The following QSOX2 variants were observed in gnomAD, a reference collection of about 807,000 sequenced individuals.
The protein encoded by QSOX2 is quiescin sulfhydryl oxidase 2.
QSOX2 carries 46 observed loss-of-function variants against 61.7 expected under a neutral mutation model. The observed-to-expected ratio is 0.75, with a 90% CI of 0.59 to 0.95. QSOX2 has a LOEUF of 0.95. Ranked by LOEUF, QSOX2 falls within the 40% of genes least tolerant of loss-of-function variation. The pLI is 0.00. For synonymous variants in QSOX2, 383 were observed against 388.4 expected (o/e 0.99, Z 0.16); for missense variants, 879 against 918.9 (o/e 0.96, Z 0.56).
In QSOX2 at chr9:136,208,072, G is replaced by A. The variant is rs529180974; in HGVS notation, c.*656C>T. 3.9e-5 allele frequency: 6 copies of A among 152,012 alleles called. No homozygotes were observed. The highest frequency in any genetic ancestry group is 8.8e-5 in the Non-Finnish European group (6 of 68,048). 9.4% of individuals were successfully genotyped at this position (152,012 alleles called of 1,614,324 possible). A position where few individuals can be genotyped will look rare whatever the true frequency, so the allele number is the denominator to read the frequency against. The stretch of plus-strand genomic sequence containing the variant: ...GCTCCTCCCCTGTTGAAATCCCCAC[G>A]TCTGGTGTCGAACACCCGGAGGAAC... On this transcript the variant is annotated 3_prime_UTR_variant, in exon 12 of 12. Coordinates refer to ENST00000358701, the MANE Select transcript of QSOX2 (RefSeq NM_181701.4).
rs1160730914 is a variant in QSOX2 at position 136,224,013 on chromosome 9, G to A, written c.578C>T (p.Pro193Leu). 1 of 1,613,340 alleles carries A rather than the reference G, an allele frequency of 6.2e-7. No individual in the cohort carries two copies. Among genetic ancestry groups the A allele is most frequent in the South Asian group, 1.1e-5 (1 of 91,026 alleles). ...SRPPACPRLD[P>L]IQPSDVLSLL... ...TCTTCATGGAGCTACTCACTGAATG[G>A]GGTCTAGGCGCGGGCAGGCAGGGGG... is the stretch of plus-strand genomic sequence containing the variant. The change falls in exon 4 of 12, where the codon CCC (proline) becomes CTC (leucine). Residue 193 changes from proline to leucine, a missense_variant. Physicochemically the swap from Pro to Leu is moderately conservative, Grantham distance 98. Transcript: ENST00000358701.
intron 1 of QSOX2, among the ~76,000 whole-genome samples, chr9:136,242,403 G>C (rs958429991): frequency 6.6e-6 from 1 of 152,280 alleles, no homozygotes; most frequent in African/African-American, 2.4e-5. Flanking sequence ...AGGGGGACCA[G>C]TGGGAGAAGG....
chr9:136,210,585 G>C (rs1831832599), intron 11 of QSOX2: 1 of 985,434 alleles, frequency 1.0e-6, no homozygotes, highest in Non-Finnish European at 1.2e-6. Context: ...CAGCGCCTTC[G>C]TCACATGACC....
At chr9:136,237,753 G>A (rs1830402177) in intron 1 of QSOX2, among the ~76,000 whole-genome samples, 1 of 152,006 alleles carries the variant, frequency 6.6e-6, no homozygotes, top group Non-Finnish European at 1.5e-5. Context: ...TGCCACACCT[G>A]GAGCCCATCC....
At chr9:136,227,400 C>T (rs1002879328) in intron 1 of QSOX2, among the ~76,000 whole-genome samples, 2 of 152,088 alleles carry the variant, frequency 1.3e-5, no homozygotes, top group Admixed American at 6.6e-5. Context: ...AGACACTGCC[C>T]GCAAACCCTG....
At chr9:136,232,917 C>CAAAAAAAAAAAAAAAAAAAA (rs60814748) in intron 1 of QSOX2, among the ~76,000 whole-genome samples, 2 of 45,504 alleles carry the variant, frequency 4.4e-5, no homozygotes, top group African/African-American at 7.3e-5. Context: ...GAACCTGTCT[C>CAAAAAAAAAAAAAAAAAAAA]AAAAAAAAAA....
Position 136,245,581 on chromosome 9 carries a change from T to A in QSOX2, c.223A>T (p.Thr75Ser). ...VLDSGSVRGA[T>S]ANSSAAWLVQ... ...AGCCACGCGGCCGAGCTGTTGGCGG[T>A]GGCCCCGCGCACGCTGCCGCTGTCC... Residue 75 changes from threonine to serine, a missense_variant, in exon 1 of 12, where the codon ACC (threonine) becomes TCC (serine). Physicochemically the swap from Thr to Ser is moderately conservative, Grantham distance 58. Transcript: ENST00000358701. 1.3e-6 allele frequency: 2 copies of A among 1,577,120 alleles called. No homozygotes were observed. Among genetic ancestry groups the A allele is most frequent in the Non-Finnish European group, 1.7e-6 (2 of 1,171,066 alleles).
chr9:136,237,215 G>A (rs1412772922), intron 1 of QSOX2, among the ~76,000 whole-genome samples: 1 of 129,144 alleles, frequency 7.7e-6, no homozygotes, highest in African/African-American at 3.0e-5. Context: ...CTGGGCCGGC[G>A]TCACTTGGAG....
At position 136,222,283 on chromosome 9, in the gene QSOX2, G is replaced by A. The variant is rs988375376; in HGVS notation, c.676-342C>T. 2.0e-5 allele frequency among the ~76,000 whole-genome samples: 3 copies of A among 152,112 alleles called. No individual in the cohort carries two copies. Among genetic ancestry groups the A allele is most frequent in the Admixed American group, 6.5e-5 (1 of 15,270 alleles). On this transcript the variant is annotated intron_variant, in intron 5 of 11. Coordinates refer to ENST00000358701, the MANE Select transcript of QSOX2 (RefSeq NM_181701.4). The surrounding 1 kb of genome is among the most constrained non-coding windows in gnomAD (Gnocchi z 6.9). Reference sequence around the variant, plus strand: ...CCTGCACACAGCAGCCACACCCCACGGCCTCGCACTCCCGTCCCGCGTGTG... The same window carrying A: ...CCTGCACACAGCAGCCACACCCCACAGCCTCGCACTCCCGTCCCGCGTGTG...
At chr9:136,210,085 G>A in intron 11 of QSOX2, 1 of 985,464 alleles carries the variant, frequency 1.0e-6, no homozygotes, top group Non-Finnish European at 1.2e-6. Flanking sequence ...GCCAGTCACT[G>A]ACTGCGTGCT....
Position 136,223,750 on chromosome 9 carries a change from G to C in QSOX2, c.675+13C>G. On this transcript the variant is annotated intron_variant, in intron 5 of 11. Coordinates refer to ENST00000358701, the MANE Select transcript of QSOX2 (RefSeq NM_181701.4). This position sits in a 1 kb window ranked among gnomAD's most constrained non-coding sequence, Gnocchi z 4.4. Reference sequence around the variant, plus strand: ...ACCACGTGTGACACCTGGAGCCCACGCAGAGGCCGTACCTCCCGTCCAAGG... The same window carrying C: ...ACCACGTGTGACACCTGGAGCCCACCCAGAGGCCGTACCTCCCGTCCAAGG... The C allele has an allele frequency of 6.2e-7, 1 of 1,610,692 alleles. No homozygotes were observed. The highest frequency in any genetic ancestry group is 8.5e-7 in the Non-Finnish European group (1 of 1,177,488).
rs201972372 is a variant in QSOX2 at position 136,221,814 on chromosome 9, G to A, written c.803C>T (p.Ser268Leu). The A allele has an allele frequency of 1.4e-5, 23 of 1,607,578 alleles. No homozygotes were observed. Among genetic ancestry groups the A allele is most frequent in the East Asian group, 2.2e-5 (1 of 44,688 alleles). ...CACTCACACGTTAATCAATCCATGCGACCCATTTGGGTAGATCAGGTAACA... is the reference window on the plus strand; with the variant it reads ...CACTCACACGTTAATCAATCCATGCAACCCATTTGGGTAGATCAGGTAACA... ...PSCYLIYPNG[S>L]HGLINVVKPL... Residue 268 changes from serine (S) to leucine (L), a missense_variant, in exon 6 of 12, where the codon TCG (serine) becomes TTG (leucine). By Grantham distance (145) the Ser-to-Leu change is moderately radical. Coordinates refer to ENST00000358701, the MANE Select transcript of QSOX2 (RefSeq NM_181701.4). This position sits in a 1 kb window ranked among gnomAD's most constrained non-coding sequence, Gnocchi z 4.5.
intron 10 of QSOX2, among the ~76,000 whole-genome samples, 193 bp from the exon 11 acceptor site, chr9:136,211,645 C>T (rs770779601): frequency 2.0e-5 from 3 of 152,212 alleles, no homozygotes; most frequent in Non-Finnish European, 4.4e-5. Flanking sequence ...CCCACGGGTG[C>T]TGCAGGCTCT....
At chr9:136,235,086 C>T (rs1484736035) in intron 1 of QSOX2, among the ~76,000 whole-genome samples, 1 of 152,278 alleles carries the variant, frequency 6.6e-6, no homozygotes, top group East Asian at 1.9e-4. Context: ...GGCAGCTTCA[C>T]ATCCAGCTCT....
intron 1 of QSOX2, among the ~76,000 whole-genome samples, chr9:136,232,579 C>T (rs959935884): frequency 5.9e-5 from 9 of 152,050 alleles, no homozygotes; most frequent in African/African-American, 2.2e-4. Context: ...CTCACACACG[C>T]AAAACTTACA....
At chr9:136,245,051 T>G (rs1013358005) in intron 1 of QSOX2, among the ~76,000 whole-genome samples, 9 of 151,998 alleles carry the variant, frequency 5.9e-5, no homozygotes, top group Non-Finnish European at 1.3e-4. Flanking sequence ...TTCTGGGCAC[T>G]GGGGATGGGG....
chr9:136,211,483 CAG>C (rs1831845209), intron 10 of QSOX2, 31 bp from the exon 11 acceptor site: 2 of 1,607,184 alleles, frequency 1.2e-6, no homozygotes, highest in African/African-American at 2.7e-5. Flanking sequence ...CTGACAACGG[CAG>C]GTGCGTGGGC....
In QSOX2 at chr9:136,207,330, AT is replaced by A. The variant is rs1460255879; in HGVS notation, c.*1397del. The stretch of plus-strand genomic sequence containing the variant: ...ACATAAAGTAGGCAAAGCGGAAAAA[AT>A]ATCTACAACCGTCAAAGTCTCTCTC... On this transcript the variant is annotated 3_prime_UTR_variant, in exon 12 of 12. Transcript: ENST00000358701. 2.6e-5 allele frequency: 4 copies of A among 151,758 alleles called. No homozygotes were observed. Among genetic ancestry groups the A allele is most frequent in the Non-Finnish European group, 5.9e-5 (4 of 68,026 alleles). The allele number at this position is 151,758 out of a possible 1,614,324, so 9.4% of individuals were successfully genotyped here.
At chr9:136,230,430 G>A (rs1830319847) in intron 1 of QSOX2, among the ~76,000 whole-genome samples, 4 of 152,220 alleles carry the variant, frequency 2.6e-5, no homozygotes, top group Admixed American at 6.5e-5. Flanking sequence ...CCAAAGGGCT[G>A]AGCCCAGGAG....
Sources: allele counts gnomAD v4.1 joint callset (sites outside exome capture counted in the v4.1 genomes callset), GRCh38; gene constraint gnomAD v4.1.1; non-coding constraint Gnocchi (gnomAD v3.1); transcripts MANE v1.5; gene names NCBI Gene and HGNC (gene_info 2026-07-23, HGNC 2026-07-21).